Variants in PBX1 observed in about 807,000 individuals in gnomAD.
PBX1 encodes PBX homeobox 1.
PBX1 carries 6 observed loss-of-function variants against 53.4 expected under a neutral mutation model. The ratio of observed to expected loss-of-function variants is 0.11; its 90% CI spans 0.06 to 0.22. PBX1 has a LOEUF of 0.22. Among genes scored for constraint, PBX1 ranks in the 10% least tolerant of loss-of-function variants. The pLI, the probability that PBX1 is intolerant of heterozygous loss-of-function variation, is 1.00. For missense variants in PBX1, 251 were observed against 551.4 expected (o/e 0.46, Z 5.46); for synonymous variants, 204 against 212.3 (o/e 0.96, Z 0.34).
chr1:164,729,018 T>G (rs1664842202), intron 2 of PBX1, among the ~76,000 whole-genome samples: 11 of 152,208 alleles, frequency 7.2e-5, no homozygotes, highest in Admixed American at 7.2e-4. Context: ...GCGTTTATAC[T>G]CTTCTCTGTT....
At chr1:164,872,306 T>C (rs1002786014) in intron 2 of PBX1, among the ~76,000 whole-genome samples, 3 of 152,194 alleles carry the variant, frequency 2.0e-5, no homozygotes, top group Admixed American at 6.5e-5. Context: ...GCATCATCTT[T>C]ATATATTGTA....
intron 2 of PBX1, among the ~76,000 whole-genome samples, chr1:164,789,968 C>CTT (rs59415842): frequency 0.047 from 7,048 of 150,072 alleles, 570 homozygotes; most frequent in African/African-American, 0.16. Flanking sequence ...AGAGGCGATT[C>CTT]TTTTTTTTTT....
At chr1:164,860,332 G>A (rs1221078619) in intron 2 of PBX1, among the ~76,000 whole-genome samples, 1 of 152,188 alleles carries the variant, frequency 6.6e-6, no homozygotes. Context: ...TTTAAAGAAT[G>A]TATGTAGATT....
chr1:164,780,683 C>T (rs2102273833), intron 2 of PBX1, among the ~76,000 whole-genome samples: 1 of 152,276 alleles, frequency 6.6e-6, no homozygotes, highest in East Asian at 1.9e-4. Context: ...AGAAATGTCA[C>T]ACATCCCCGA....
intron 2 of PBX1, among the ~76,000 whole-genome samples, chr1:164,857,463 T>G (rs1672004078): frequency 6.6e-6 from 1 of 152,170 alleles, no homozygotes; most frequent in Non-Finnish European, 1.5e-5. Flanking sequence ...CTCATGTAGA[T>G]TTCATTAAAT....
chr1:164,693,576 G>A (rs1004153467), intron 2 of PBX1, among the ~76,000 whole-genome samples: 3 of 152,020 alleles, frequency 2.0e-5, no homozygotes, highest in East Asian at 1.9e-4. Context: ...ATTTTCCATC[G>A]GCAGGGGAGC....
intron 2 of PBX1, among the ~76,000 whole-genome samples, chr1:164,575,016 T>C (rs1465202637): frequency 6.6e-6 from 1 of 152,168 alleles, no homozygotes; most frequent in Non-Finnish European, 1.5e-5. Context: ...ATCCCATTTA[T>C]AAGGCCAGTT....
chr1:164,802,942 CTG>C (rs1268347735), intron 4 of PBX1, among the ~76,000 whole-genome samples: 2 of 151,888 alleles, frequency 1.3e-5, no homozygotes, highest in Non-Finnish European at 2.9e-5. Context: ...TTAATCTTAA[CTG>C]TTTTTCTATA....
chr1:164,653,214 C>T (rs1291010325), intron 2 of PBX1, among the ~76,000 whole-genome samples: 2 of 152,096 alleles, frequency 1.3e-5, no homozygotes, highest in African/African-American at 4.8e-5. Context: ...TACTTTTGTA[C>T]CCGGCTTTTA....
At position 164,874,193 on chromosome 1, in the gene PBX1, A is replaced by G. The variant is rs1443376624; in HGVS notation, n.258-24995A>G. The stretch of plus-strand genomic sequence containing the variant: ...CTTTTGGGGTATTTCACTTGAGCTT[A>G]TCTTCACCCTATAGAATATAACTTA... On this transcript the variant is annotated intron_variant and non_coding_transcript_variant, in intron 2 of 2. Coordinates refer to the PBX1 transcript ENST00000558796. Among the ~76,000 whole-genome samples, 4 of 152,240 alleles carry G rather than the reference A, an allele frequency of 2.6e-5. No homozygotes were observed. The East Asian group carries it at 7.7e-4, about 29-fold the overall frequency.
intron 2 of PBX1, among the ~76,000 whole-genome samples, chr1:164,579,024 T>C (rs1654440252): frequency 6.8e-6 from 1 of 147,540 alleles, no homozygotes; most frequent in South Asian, 2.3e-4. Context: ...GTGGGATGGC[T>C]GAAATTTACC....
At chr1:164,646,283 A>G (rs1557913021) in intron 2 of PBX1, among the ~76,000 whole-genome samples, 1 of 152,226 alleles carries the variant, frequency 6.6e-6, no homozygotes, top group Admixed American at 6.5e-5. Flanking sequence ...CACCGCATCT[A>G]TGTTATGAAA....
At position 164,820,075 on chromosome 1, in the gene PBX1, C is replaced by T; in HGVS notation, c.1001C>T (p.Ser334Phe). The change falls in exon 7 of 9, where the codon TCT becomes TTT. Residue 334 changes from serine (S) to phenylalanine (F), a missense_variant. Transcript: ENST00000420696. ...TGCCTCACTCTTTCCTTTCCAGGTTCTTCCAGTTCTTTTAACATGTCAAAC... is the reference window on the plus strand; with the variant it reads ...TGCCTCACTCTTTCCTTTCCAGGTTTTTCCAGTTCTTTTAACATGTCAAAC... ...NSPSTPNSAG[S>F]SSSFNMSNSG... The T allele has an allele frequency of 6.2e-7, 1 of 1,601,122 alleles. No homozygotes were observed. The highest frequency in any genetic ancestry group is 8.6e-7 in the Non-Finnish European group (1 of 1,169,042).
At chr1:164,653,343 C>T (rs1352304485) in intron 2 of PBX1, among the ~76,000 whole-genome samples, 1 of 150,420 alleles carries the variant, frequency 6.6e-6, no homozygotes, top group African/African-American at 2.5e-5. Context: ...TATCCAGTCT[C>T]ACTTGTTTTT....
At chr1:164,782,442 A>C (rs941198987) in intron 2 of PBX1, among the ~76,000 whole-genome samples, 1 of 152,122 alleles carries the variant, frequency 6.6e-6, no homozygotes, top group South Asian at 2.1e-4. Context: ...TATCAGTGGT[A>C]GGTCTCGTCT....
At position 164,820,191 on chromosome 1, in the gene PBX1, A is replaced by T; in HGVS notation, c.1110+7A>T. On this transcript the variant is annotated splice_region_variant and intron_variant, in intron 7 of 8. Transcript: ENST00000420696. ...AGCCAACGTGCAATCACAGGTAGGG[A>T]CCCAGCCAATATGTCACCAGGTGAA... 6.4e-7 allele frequency: 1 copy of T among 1,559,966 alleles called. No homozygotes were observed. Among genetic ancestry groups the T allele is most frequent in the South Asian group, 1.1e-5 (1 of 89,964 alleles).
rs529361977 is a variant in PBX1, at chr1:164,850,420, C to A, written c.*3744C>A. ...ATTATTATGTTTATTAACTTTGAGA[C>A]CCAGAAATAAATTCTTTTCTTTTCT... On this transcript the variant is annotated 3_prime_UTR_variant, in exon 9 of 9. Coordinates refer to ENST00000420696, the MANE Select transcript of PBX1 (RefSeq NM_002585.4). 3 of 202,902 alleles carry A rather than the reference C, an allele frequency of 1.5e-5. No homozygotes were observed. Among genetic ancestry groups the A allele is most frequent in the South Asian group, 1.9e-4 (1 of 5,228 alleles). The allele number at this position is 202,902 out of a possible 1,614,324, so 12.6% of individuals were successfully genotyped here. A position where few individuals can be genotyped will look rare whatever the true frequency, so the allele number is the denominator to read the frequency against.
intron 2 of PBX1, among the ~76,000 whole-genome samples, chr1:164,606,908 A>G (rs1006429903): frequency 5.9e-5 from 9 of 152,256 alleles, no homozygotes; most frequent in African/African-American, 1.9e-4. Flanking sequence ...ATTTATTTAC[A>G]GAAGATGGTA....
intron 2 of PBX1, among the ~76,000 whole-genome samples, chr1:164,707,519 G>A (rs1275257958): frequency 6.6e-6 from 1 of 151,752 alleles, no homozygotes; most frequent in Non-Finnish European, 1.5e-5. Context: ...CACTGTAACT[G>A]TTTATGAATT....
Sources: allele counts gnomAD v4.1 joint callset (sites outside exome capture counted in the v4.1 genomes callset), GRCh38; gene constraint gnomAD v4.1.1; transcripts MANE v1.5; gene names NCBI Gene and HGNC (gene_info 2026-07-23, HGNC 2026-07-21).